The following RIMS1 variants were observed in gnomAD, a reference collection of about 807,000 sequenced individuals.
RIMS1 encodes regulating synaptic membrane exocytosis 1.
A neutral mutation model predicts 214.1 loss-of-function variants in RIMS1; 83 were observed. The ratio of observed to expected loss-of-function variants is 0.39; its 90% CI spans 0.32 to 0.47. The LOEUF (loss-of-function observed/expected upper bound fraction) is 0.47. Ranked by LOEUF, RIMS1 falls within the 20% of genes least tolerant of loss-of-function variation. The pLI, the probability that RIMS1 is intolerant of heterozygous loss-of-function variation, is 0.99. For synonymous variants in RIMS1, 793 were observed against 786.8 expected (o/e 1.01, Z -0.13); for missense variants, 2,050 against 2,161.8 (o/e 0.95, Z 1.03).
At chr6:72,145,087 C>T (rs1217742828) in intron 4 of RIMS1, among the ~76,000 whole-genome samples, 1 of 152,040 alleles carries the variant, frequency 6.6e-6, no homozygotes, top group East Asian at 1.9e-4. Context: ...GTAAAATAAA[C>T]TTTAGTCTTA....
intron 6 of RIMS1, among the ~76,000 whole-genome samples, chr6:72,228,062 T>A (rs918260608): frequency 1.3e-5 from 2 of 152,058 alleles, no homozygotes; most frequent in African/African-American, 4.8e-5. Context: ...GAGAGAAATA[T>A]ACACTCATAA....
At chr6:72,263,296 A>G in intron 19 of RIMS1, 2 of 985,286 alleles carry the variant, frequency 2.0e-6, no homozygotes, top group Non-Finnish European at 2.4e-6. Flanking sequence ...GTCTCGAGGA[A>G]GTGGTAGTAT....
chr6:72,142,352 A>ATGT (rs2042179210), intron 4 of RIMS1, among the ~76,000 whole-genome samples: 1 of 152,070 alleles, frequency 6.6e-6, no homozygotes, highest in African/African-American at 2.4e-5. Flanking sequence ...GGAACAAAAT[A>ATGT]TGTGGTATTT....
chr6:72,356,902 T>G (rs1248352736), intron 29 of RIMS1, among the ~76,000 whole-genome samples: 1 of 152,204 alleles, frequency 6.6e-6, no homozygotes, highest in Non-Finnish European at 1.5e-5. Context: ...TACCTTTATC[T>G]TTGAGCTTCA....
intron 6 of RIMS1, among the ~76,000 whole-genome samples, chr6:72,191,891 G>A (rs552187935): frequency 1.3e-5 from 2 of 152,160 alleles, no homozygotes; most frequent in Non-Finnish European, 2.9e-5. Context: ...CACCACCCCT[G>A]GGTCTTTCAA....
At chr6:72,064,917 C>T (rs1345079948) in intron 2 of RIMS1, among the ~76,000 whole-genome samples, 1 of 152,088 alleles carries the variant, frequency 6.6e-6, no homozygotes, top group African/African-American at 2.4e-5. Context: ...TGCAGGCATG[C>T]GTTTGCTGTA....
chr6:72,035,320 T>G (rs923437083), intron 2 of RIMS1, among the ~76,000 whole-genome samples: 1 of 152,146 alleles, frequency 6.6e-6, no homozygotes, highest in Admixed American at 6.6e-5. Flanking sequence ...TTCCCAACCT[T>G]TATCAGAGTA....
intron 2 of RIMS1, among the ~76,000 whole-genome samples, chr6:72,093,834 C>T (rs2030120290): frequency 6.6e-6 from 1 of 151,922 alleles, no homozygotes. Context: ...TTGGTGAATA[C>T]CTAACTAAAA....
intron 31 of RIMS1, among the ~76,000 whole-genome samples, chr6:72,396,978 A>G (rs2154449898): frequency 6.6e-6 from 1 of 152,322 alleles, no homozygotes; most frequent in Non-Finnish European, 1.5e-5. Flanking sequence ...ACACCACTGC[A>G]CTCCAACCTG....
At chr6:72,000,231 T>A (rs1034287404) in intron 2 of RIMS1, among the ~76,000 whole-genome samples, 1 of 152,132 alleles carries the variant, frequency 6.6e-6, no homozygotes, top group Non-Finnish European at 1.5e-5. Flanking sequence ...ATATCCTGAT[T>A]CACAAGTGAT....
intron 24 of RIMS1, among the ~76,000 whole-genome samples, chr6:72,289,175 T>C (rs1437099419): frequency 6.6e-6 from 1 of 152,224 alleles, no homozygotes; most frequent in African/African-American, 2.4e-5. Context: ...GAAATTGTAA[T>C]ATCCGTGAAA....
intron 1 of RIMS1, among the ~76,000 whole-genome samples, chr6:71,936,326 C>CAAAA (rs4034728): frequency 1.8e-3 from 122 of 68,694 alleles, no homozygotes; most frequent in Non-Finnish European, 2.2e-3. Context: ...GACTCCGTCT[C>CAAAA]AAAAAAAAAA....
At chr6:72,069,665 C>G (rs1356335400) in intron 2 of RIMS1, among the ~76,000 whole-genome samples, 1 of 152,230 alleles carries the variant, frequency 6.6e-6, no homozygotes, top group Non-Finnish European at 1.5e-5. Flanking sequence ...TCAAAACCTT[C>G]TTTATTCTTG....
At chr6:71,936,249 C>A (rs922551092) in intron 1 of RIMS1, among the ~76,000 whole-genome samples, 227 of 142,266 alleles carry the variant, frequency 1.6e-3, no homozygotes, top group African/African-American at 5.9e-3. Flanking sequence ...ATGGCGTGAA[C>A]CCGGGAGGCG....
At chr6:72,102,428 C>T (rs1031934957) in intron 4 of RIMS1, among the ~76,000 whole-genome samples, 1 of 151,938 alleles carries the variant, frequency 6.6e-6, no homozygotes, top group Non-Finnish European at 1.5e-5. Flanking sequence ...CACATACCTA[C>T]CTTTTAAGTA....
intron 4 of RIMS1, among the ~76,000 whole-genome samples, chr6:72,139,504 T>G (rs1314014332): frequency 6.6e-6 from 1 of 152,212 alleles, no homozygotes; most frequent in Non-Finnish European, 1.5e-5. Context: ...TAGCACTACC[T>G]AACATAGTAT....
At chr6:72,263,786 A>G in intron 19 of RIMS1, 8 of 744,274 alleles carry the variant, frequency 1.1e-5, no homozygotes, top group Non-Finnish European at 1.3e-5. Flanking sequence ...CAACATGGTG[A>G]AACCCCGTCT....
chr6:72,022,996 T>C (rs1237702781), intron 2 of RIMS1, among the ~76,000 whole-genome samples: 1 of 152,194 alleles, frequency 6.6e-6, no homozygotes, highest in African/African-American at 2.4e-5. Flanking sequence ...GTCCTTTCAT[T>C]CCCTTACCTT....
rs1224473981 is a variant in RIMS1 at position 72,182,806 on chromosome 6, G to C, written c.1335G>C (p.Thr445=). ...GGGCGCCGGGCGCCAAGCAGCTAAC[G>C]AACCACAGCCCGCCGGCGCCCAGAC... ...ETRAPGAKQL[T]NHSPPAPRHG... Residue 445 remains threonine, a synonymous_variant, in exon 6 of 34, where the codon ACG becomes ACC. Coordinates refer to ENST00000521978, the MANE Select transcript of RIMS1 (RefSeq NM_014989.7). 1.3e-6 allele frequency: 2 copies of C among 1,548,788 alleles called. No individual in the cohort carries two copies. Among genetic ancestry groups the C allele is most frequent in the Non-Finnish European group, 8.7e-7 (1 of 1,150,412 alleles).
Sources: allele counts gnomAD v4.1 joint callset (sites outside exome capture counted in the v4.1 genomes callset), GRCh38; gene constraint gnomAD v4.1.1; transcripts MANE v1.5; gene names NCBI Gene and HGNC (gene_info 2026-07-23, HGNC 2026-07-21).